The following MASP1 variants were observed in gnomAD, a reference collection of about 807,000 sequenced individuals.
MASP1 encodes mannan-binding lectin serine protease 1.
MASP1 carries 59 observed loss-of-function variants against 77.1 expected under a neutral mutation model. The ratio of observed to expected loss-of-function variants is 0.77; its 90% CI spans 0.62 to 0.95. The LOEUF is 0.95. Among genes scored for constraint, MASP1 ranks in the 40% least tolerant of loss-of-function variants. MASP1 has a pLI of 0.00. For missense variants in MASP1, 885 were observed against 912.9 expected, an observed-to-expected ratio of 0.97 and a Z score of 0.39; for synonymous variants, 362 against 354.5, an observed-to-expected ratio of 1.02 and a Z score of -0.24.
downstream of MASP1, among the ~76,000 whole-genome samples, chr3:187,229,260 T>A (rs922086379): frequency 1.3e-5 from 2 of 152,112 alleles, no homozygotes; most frequent in African/African-American, 2.4e-5. Context: ...CCATCCATCA[T>A]ACCCTGTTCT....
chr3:187,243,495 T>C lies in MASP1; in HGVS notation c.1217A>G (p.Asn406Ser), dbSNP rs760972511. 2 of 1,614,084 alleles carry C rather than the reference T, an allele frequency of 1.2e-6. No individual in the cohort carries two copies. The highest frequency in any genetic ancestry group is 1.3e-5 in the African/African-American group (1 of 74,936). The change falls in exon 9 of 11, where the codon AAC (asparagine) becomes AGC (serine). Residue 406 changes from asparagine to serine, a missense_variant. Physicochemically the swap from Asn to Ser is conservative, Grantham distance 46. Coordinates refer to ENST00000296280, the MANE Select transcript of MASP1 (RefSeq NM_139125.4). ...SCQEPYYKML[N>S]NNTGIYTCSA... The stretch of plus-strand genomic sequence containing the variant: ...CATGGATGGCTTACCTGTGTTATTG[T>C]TGAGCATCTTGTAATAGGGCTCCTG...
At chr3:187,239,385 G>A (rs1460152059) in intron 10 of MASP1, among the ~76,000 whole-genome samples, 1 of 152,054 alleles carries the variant, frequency 6.6e-6, no homozygotes, top group African/African-American at 2.4e-5. Flanking sequence ...AGGTCTCTTG[G>A]TTCTGATGCT....
chr3:187,288,020 G>A (rs1717996180), intron 1 of MASP1, among the ~76,000 whole-genome samples: 1 of 152,126 alleles, frequency 6.6e-6, no homozygotes, highest in African/African-American at 2.4e-5. Flanking sequence ...TCTCTGAAAT[G>A]GGAATATAAG....
chr3:187,238,900 A>G (rs1024422888), intron 10 of MASP1, among the ~76,000 whole-genome samples: 3 of 152,222 alleles, frequency 2.0e-5, no homozygotes, highest in Admixed American at 1.3e-4. Context: ...TCCTGGTTCA[A>G]TCACAGTGTT....
At chr3:187,282,454 G>T (rs529371349) in intron 2 of MASP1, among the ~76,000 whole-genome samples, 2 of 145,242 alleles carry the variant, frequency 1.4e-5, no homozygotes, top group Non-Finnish European at 1.5e-5. Flanking sequence ...CCGAGATCCC[G>T]CCACTGCACT....
chr3:187,268,525 GAAAGA>G (rs772156759), intron 2 of MASP1, among the ~76,000 whole-genome samples: 1,822 of 141,386 alleles, frequency 0.013, 28 homozygotes, highest in African/African-American at 0.038. Context: ...GAGGAAGAAA[GAAAGA>G]AAAGAAAAGA....
rs376991602 is a variant in MASP1 at position 187,236,372 on chromosome 3, C to A, written c.1499G>T (p.Arg500Leu). Residue 500 changes from arginine (R) to leucine (L), a missense_variant, in exon 11 of 11, where the codon CGC becomes CTC. Coordinates refer to ENST00000296280, the MANE Select transcript of MASP1 (RefSeq NM_139125.4). ...SWILTAAHVL[R>L]SQRRDTTVIP... ...CACCGTGGTGTCTCTACGCTGGGAG[C>A]GCAGCACATGAGCTGCTGTGAGGAT... The A allele has an allele frequency of 1.2e-6, 2 of 1,614,178 alleles. No homozygotes were observed. The highest frequency in any genetic ancestry group is 1.7e-6 in the Non-Finnish European group (2 of 1,180,040).
At chr3:187,236,611 T>A (rs1418660983) in intron 10 of MASP1, 44 bp from the exon 11 acceptor site, 2 of 1,612,840 alleles carry the variant, frequency 1.2e-6, no homozygotes, top group African/African-American at 2.7e-5. Context: ...CAGAGACTGG[T>A]CAGGTCAGCC....
intron 3 of MASP1, among the ~76,000 whole-genome samples, chr3:187,262,041 A>G (rs1489527665): frequency 1.3e-5 from 2 of 152,230 alleles, no homozygotes; most frequent in Non-Finnish European, 2.9e-5. Context: ...TACAGCAGAA[A>G]AAAAATCAAA....
In MASP1 at chr3:187,250,236, A is replaced by T. The variant is rs751797046; in HGVS notation, c.1090+15T>A. ...GAGCTCAGTATCTTTATAACAACCC[A>T]TTAGGCTTTCTTACTTTTACAGGTG... is the stretch of plus-strand genomic sequence containing the variant. On this transcript the variant is annotated intron_variant, in intron 8 of 10. Transcript: ENST00000296280. 3 of 1,608,878 alleles carry T rather than the reference A, an allele frequency of 1.9e-6. No individual in the cohort carries two copies.
intron 2 of MASP1, among the ~76,000 whole-genome samples, chr3:187,278,020 T>A (rs1370108967): frequency 6.6e-6 from 1 of 152,196 alleles, no homozygotes; most frequent in Non-Finnish European, 1.5e-5. Context: ...ACTTTATTAC[T>A]CATACCATTG....
At chr3:187,229,994 A>G (rs888892835), downstream of MASP1, 38 of 1,442,986 alleles carry the variant, frequency 2.6e-5, no homozygotes, top group Non-Finnish European at 3.3e-5. Flanking sequence ...AGGAACATCT[A>G]TTATTTTTGC....
At chr3:187,281,220 A>T (rs569968272) in intron 2 of MASP1, among the ~76,000 whole-genome samples, 2 of 152,358 alleles carry the variant, frequency 1.3e-5, no homozygotes, top group African/African-American at 2.4e-5. Context: ...GTGGGAAATC[A>T]GGCAGGAGAG....
intron 5 of MASP1, 34 bp from the exon 6 acceptor site, chr3:187,253,349 G>A (rs779978212): frequency 6.2e-7 from 1 of 1,612,306 alleles, no homozygotes; most frequent in East Asian, 2.2e-5. Context: ...GAGAAATAGA[G>A]TGTTCCATCT....
In MASP1 at chr3:187,269,840, T is replaced by C. The variant is rs559596207; in HGVS notation, c.238-7120A>G. Reference sequence around the variant, plus strand: ...AACTTTTCTTTTGGGTTCAGAGATCTCTAGATCAAGAAGAGATATACTTCA... The same window carrying C: ...AACTTTTCTTTTGGGTTCAGAGATCCCTAGATCAAGAAGAGATATACTTCA... On this transcript the variant is annotated intron_variant, in intron 2 of 10. Coordinates refer to ENST00000296280, the MANE Select transcript of MASP1 (RefSeq NM_139125.4). Among the ~76,000 whole-genome samples the C allele has an allele frequency of 6.8e-4, 104 of 152,330 alleles. 1 individual carries two copies. The highest frequency in any genetic ancestry group is 2.2e-3 in the African/African-American group (93 of 41,564).
At chr3:187,281,544 T>C (rs1185925595) in intron 2 of MASP1, among the ~76,000 whole-genome samples, 1 of 152,252 alleles carries the variant, frequency 6.6e-6, no homozygotes, top group African/African-American at 2.4e-5. Context: ...TGGCATGATA[T>C]GTTTACAAGT....
intron 5 of MASP1, chr3:187,256,460 G>A: frequency 1.6e-6 from 1 of 627,870 alleles, no homozygotes; most frequent in South Asian, 1.8e-5. Context: ...CACCCTAGTG[G>A]CCAGTGGGGT....
intron 9 of MASP1, chr3:187,241,818 C>G: frequency 2.5e-6 from 1 of 400,062 alleles, no homozygotes; most frequent in Non-Finnish European, 4.7e-6. Flanking sequence ...GGGCTACCAT[C>G]CTAGTCCTTC....
intron 13 of MASP1, among the ~76,000 whole-genome samples, chr3:187,223,507 C>A (rs1416194774): frequency 1.3e-5 from 2 of 152,198 alleles, no homozygotes; most frequent in Non-Finnish European, 2.9e-5. Flanking sequence ...TGCTATATCA[C>A]AGTGCCTATA....
Sources: gnomAD v4.1 joint callset for allele counts (sites outside exome capture counted in the v4.1 genomes callset) on GRCh38, gnomAD v4.1.1 for gene constraint, MANE v1.5 for transcripts, NCBI Gene and HGNC (gene_info 2026-07-23, HGNC 2026-07-21) for gene names.